The following KY variants were observed in gnomAD, a reference collection of about 807,000 sequenced individuals.
KY encodes kyphoscoliosis peptidase.
In KY, 43 loss-of-function variants were observed where a neutral mutation model predicts 76.1. The ratio of observed to expected loss-of-function variants is 0.57; its 90% CI spans 0.44 to 0.73. The LOEUF (loss-of-function observed/expected upper bound fraction) is 0.73, where lower values mean the gene tolerates loss of function less well. Among genes scored for constraint, KY ranks in the 30% least tolerant of loss-of-function variants. The probability of loss-of-function intolerance (pLI) is 0.00; values close to 1 mark genes in which losing one functional copy is unlikely to be tolerated. For synonymous variants in KY, 277 were observed against 326.2 expected (o/e 0.85, Z 1.63); for missense variants, 722 against 828.9 (o/e 0.87, Z 1.58).
chr3:134,624,361 T>C (rs1385534517), intron 6 of KY, among the ~76,000 whole-genome samples: 1 of 152,224 alleles, frequency 6.6e-6, no homozygotes, highest in Admixed American at 6.5e-5. Context: ...TCTTGATCCA[T>C]GCACTCACCA....
chr3:134,644,565 A>G (rs777226761), intron 2 of KY, among the ~76,000 whole-genome samples: 1 of 152,218 alleles, frequency 6.6e-6, no homozygotes, highest in Non-Finnish European at 1.5e-5. Context: ...TCTTCTCTCT[A>G]TAGCTTCCTG....
At position 134,603,873 on chromosome 3, in the gene KY, G is replaced by A; in HGVS notation, c.1692C>T (p.Asn564=). Residue 564 remains asparagine, a synonymous_variant, in exon 11 of 11, where the codon AAC becomes AAT. Transcript: ENST00000423778. ...YLVCCANTKV[N]WPMFPESFGN... ...CAAAGCTCTCAGGGAACATGGGCCA[G>A]TTCACCTTGGTGTTGGCACAGCATA... 6.2e-7 allele frequency: 1 copy of A among 1,614,062 alleles called. No individual in the cohort carries two copies. Among genetic ancestry groups the A allele is most frequent in the African/African-American group, 1.3e-5 (1 of 75,074 alleles).
At chr3:134,622,271 A>G (rs1962762850) in intron 6 of KY, among the ~76,000 whole-genome samples, 1 of 152,252 alleles carries the variant, frequency 6.6e-6, no homozygotes, top group Non-Finnish European at 1.5e-5. Flanking sequence ...CCCAATGTTC[A>G]TTGCAGCACT....
rs1226648226 is a variant in KY, at chr3:134,601,845, A to G, written c.*1734T>C. On this transcript the variant is annotated 3_prime_UTR_variant, in exon 11 of 11. Coordinates refer to ENST00000423778, the MANE Select transcript of KY (RefSeq NM_178554.6). ...GGAGGGATCCCGGGGGATAATGAACAGAAGTGTCTGGAGCCTGGATCTTCA... is the reference window on the plus strand; with the variant it reads ...GGAGGGATCCCGGGGGATAATGAACGGAAGTGTCTGGAGCCTGGATCTTCA... Among the ~76,000 whole-genome samples, 1 of 152,254 alleles carries G rather than the reference A, an allele frequency of 6.6e-6. No individual in the cohort carries two copies. The highest frequency in any genetic ancestry group is 1.5e-5 in the Non-Finnish European group (1 of 68,050).
chr3:134,615,836 T>A (rs905326988), intron 8 of KY, among the ~76,000 whole-genome samples: 1 of 152,230 alleles, frequency 6.6e-6, no homozygotes, highest in African/African-American at 2.4e-5. Context: ...GGGGACATAC[T>A]GCTAACCAGA....
chr3:134,630,782 A>T (rs1964106136), intron 3 of KY, among the ~76,000 whole-genome samples: 1 of 152,244 alleles, frequency 6.6e-6, no homozygotes, highest in Admixed American at 6.5e-5. Flanking sequence ...TAATTTGAAA[A>T]GGAAAAGATA....
intron 1 of KY, among the ~76,000 whole-genome samples, chr3:134,648,775 A>G (rs1191993782): frequency 6.6e-6 from 1 of 152,134 alleles, no homozygotes; most frequent in East Asian, 1.9e-4. Context: ...CTCGTTACGG[A>G]TTACTCCATC....
Position 134,629,613 on chromosome 3 carries a change from A to G in KY, c.337+8T>C. 1 of 1,591,986 alleles carries G rather than the reference A, an allele frequency of 6.3e-7. No individual in the cohort carries two copies. The highest frequency in any genetic ancestry group is 8.6e-7 in the Non-Finnish European group (1 of 1,168,538). ...GCCCTCCACCATGAGTACCTGTGTC[A>G]TACATACGTTTAGCCAAGGAGAACT... On this transcript the variant is annotated splice_region_variant and intron_variant, in intron 4 of 10. Transcript: ENST00000423778.
At position 134,602,288 on chromosome 3, in the gene KY, G is replaced by A. The variant is rs116108938; in HGVS notation, c.*1291C>T. Among the ~76,000 whole-genome samples the A allele has an allele frequency of 5.1e-3, 773 of 152,152 alleles. 3 individuals are homozygous for A. Among genetic ancestry groups the A allele is most frequent in the African/African-American group, 0.018 (729 of 41,528 alleles). On this transcript the variant is annotated 3_prime_UTR_variant, in exon 11 of 11. Coordinates refer to ENST00000423778, the MANE Select transcript of KY (RefSeq NM_178554.6). ...CCTCGCTGAAGTCAGCCTTTCCTCC[G>A]TTGCCATGGCAACGGCAGCCTGAGG...
intron 1 of KY, among the ~76,000 whole-genome samples, chr3:134,648,236 C>T (rs1373287120): frequency 2.6e-5 from 4 of 152,122 alleles, no homozygotes; most frequent in African/African-American, 7.2e-5. Flanking sequence ...TAGACCAGCT[C>T]GTTGGTGCTG....
rs771920192 is a variant in KY, at chr3:134,608,631, C to T, written c.1090+18G>A. 2 of 1,613,996 alleles carry T rather than the reference C, an allele frequency of 1.2e-6. No homozygotes were observed. The highest frequency in any genetic ancestry group is 1.3e-5 in the African/African-American group (1 of 75,068). On this transcript the variant is annotated intron_variant, in intron 10 of 10. Coordinates refer to ENST00000423778, the MANE Select transcript of KY (RefSeq NM_178554.6). ...TCCATTCCTGCTGCTAGCACACTGG[C>T]ACCTGCTCCGGGCTCACCTGTTCTG...
At position 134,649,914 on chromosome 3, in the gene KY, G is replaced by A. The variant is rs370448906; in HGVS notation, c.136+911C>T. On this transcript the variant is annotated intron_variant, in intron 1 of 10. Transcript: ENST00000423778. ...AGAGCTGGAGGGGAGGAGAGAGGCA[G>A]AAGTCATTCTCCTGCATGGGCTGTC... 2.6e-4 allele frequency among the ~76,000 whole-genome samples: 40 copies of A among 152,328 alleles called. 3 individuals are homozygous for A. In the South Asian group the frequency reaches 8.1e-3, roughly 31 times the overall value.
intron 8 of KY, among the ~76,000 whole-genome samples, chr3:134,615,684 T>C (rs1342863952): frequency 1.3e-5 from 2 of 150,446 alleles, no homozygotes; most frequent in African/African-American, 2.5e-5. Flanking sequence ...AGCTAAGATG[T>C]CCCTTTCAGA....
chr3:134,625,650 G>T (rs1479424949), intron 5 of KY, among the ~76,000 whole-genome samples: 2 of 152,242 alleles, frequency 1.3e-5, no homozygotes, highest in Admixed American at 6.5e-5. Flanking sequence ...GCATGGAAAG[G>T]CCGGGCCATC....
At chr3:134,616,850 C>G (rs1961656296) in intron 8 of KY, among the ~76,000 whole-genome samples, 1 of 152,180 alleles carries the variant, frequency 6.6e-6, no homozygotes, top group Admixed American at 6.5e-5. Flanking sequence ...TCAAAAAACA[C>G]CCACCCCAAA....
At chr3:134,610,930 C>A (rs1227699155) in intron 8 of KY, among the ~76,000 whole-genome samples, 3 of 152,172 alleles carry the variant, frequency 2.0e-5, no homozygotes, top group Non-Finnish European at 4.4e-5. Flanking sequence ...AAGCCCTACC[C>A]CCCTGCTATT....
intron 10 of KY, among the ~76,000 whole-genome samples, chr3:134,604,895 ATCTG>A (rs772143792): frequency 3.9e-5 from 6 of 152,216 alleles, no homozygotes; most frequent in Admixed American, 6.5e-5. Flanking sequence ...TCCCTGTAGC[ATCTG>A]TCTAAGTGTC....
chr3:134,626,891 C>G (rs1280520838), intron 5 of KY, among the ~76,000 whole-genome samples: 2 of 152,214 alleles, frequency 1.3e-5, no homozygotes, highest in African/African-American at 4.8e-5. Flanking sequence ...TTTCAGTGCC[C>G]TCTTGCTCTG....
chr3:134,648,887 G>T (rs1424513178), intron 1 of KY, among the ~76,000 whole-genome samples: 1 of 152,210 alleles, frequency 6.6e-6, no homozygotes, highest in Admixed American at 6.5e-5. Flanking sequence ...GGAGGATCTG[G>T]AGTGTGGAGG....
Sources: allele counts gnomAD v4.1 joint callset (sites outside exome capture counted in the v4.1 genomes callset), GRCh38; gene constraint gnomAD v4.1.1; transcripts MANE v1.5; gene names NCBI Gene and HGNC (gene_info 2026-07-23, HGNC 2026-07-21).